SEPTIN9: variants seen among roughly 807,000 people sequenced by gnomAD.
SEPTIN9 encodes the protein septin-9.
In SEPTIN9, 13 loss-of-function variants were observed where a neutral mutation model predicts 56.6. The ratio of observed to expected loss-of-function variants is 0.23; its 90% CI spans 0.15 to 0.37. SEPTIN9 has a LOEUF of 0.37. Among genes scored for constraint, SEPTIN9 ranks in the 10% least tolerant of loss-of-function variants. The probability of loss-of-function intolerance (pLI) is 1.00; values close to 1 mark genes in which losing one functional copy is unlikely to be tolerated. For synonymous variants in SEPTIN9, 332 were observed against 334.1 expected, an observed-to-expected ratio of 0.99 and a Z score of 0.07; for missense variants, 650 against 823.1, an observed-to-expected ratio of 0.79 and a Z score of 2.57.
chr17:77,482,483 G>C (rs779365339), intron 4 of SEPTIN9, 148 bp downstream of exon 4: 3 of 833,930 alleles, frequency 3.6e-6, no homozygotes, highest in South Asian at 1.4e-5. Context: ...GTGACATTGC[G>C]TGTGCATGCA....
intron 2 of SEPTIN9, chr17:77,377,122 G>A (rs1230984568): frequency 6.6e-6 from 1 of 152,188 alleles, no homozygotes; most frequent in Non-Finnish European, 1.5e-5. Flanking sequence ...CAAGGTTTTA[G>A]GGCTCTGTGG....
chr17:77,403,771 G>A (rs2035977778), intron 3 of SEPTIN9, among the ~76,000 whole-genome samples: 1 of 152,216 alleles, frequency 6.6e-6, no homozygotes, highest in South Asian at 2.1e-4. Context: ...TAACCGTGGT[G>A]AAATACACAA....
rs181447437 is a variant in SEPTIN9 at position 77,351,126 on chromosome 17, T to C, written c.76+43929T>C. ...GTGTACACAGATCTCATTTTCCTTT[T>C]TTCTGGCTTACTAAGTGCCAGAAAG... On this transcript the variant is annotated intron_variant, in intron 2 of 11. Transcript: ENST00000427177. Among the ~76,000 whole-genome samples the C allele has an allele frequency of 2.3e-3, 354 of 152,270 alleles. 6 individuals carry two copies. Among genetic ancestry groups the C allele is most frequent in the African/African-American group, 8.1e-3 (336 of 41,546 alleles).
rs2032809909 is a variant in SEPTIN9 at position 77,319,165 on chromosome 17, G to A, written c.76+11968G>A. Among the ~76,000 whole-genome samples the A allele has an allele frequency of 6.6e-6, 1 of 152,206 alleles. No individual in the cohort carries two copies. The highest frequency in any genetic ancestry group is 2.1e-4 in the South Asian group (1 of 4,832). On this transcript the variant is annotated intron_variant, in intron 2 of 11. Transcript: ENST00000427177. The surrounding 1 kb of genome is among the most constrained non-coding windows in gnomAD (Gnocchi z 5.3). ...AACAGAACCAGCCTCCGTGTCTCGG[G>A]TTTGAATGAACCCTTGAGGTGAAGC...
intron 3 of SEPTIN9, chr17:77,442,168 A>G (rs1338527080): frequency 6.6e-6 from 1 of 151,310 alleles, no homozygotes; most frequent in Non-Finnish European, 1.5e-5. Flanking sequence ...TACAGATTAG[A>G]CTCCTTGTTC....
intron 3 of SEPTIN9, among the ~76,000 whole-genome samples, chr17:77,481,081 G>C (rs2039436469): frequency 6.6e-6 from 1 of 152,216 alleles, no homozygotes; most frequent in South Asian, 2.1e-4. Context: ...GCCCTGATGG[G>C]AACCAGCCCC....
chr17:77,483,654 C>T (rs930224933), intron 4 of SEPTIN9: 2 of 152,278 alleles, frequency 1.3e-5, no homozygotes, highest in Admixed American at 1.3e-4. Flanking sequence ...AGCCATGGCA[C>T]AGGCCTTCTT....
intron 3 of SEPTIN9, chr17:77,454,036 G>T: frequency 1.0e-6 from 1 of 955,672 alleles, no homozygotes; most frequent in Non-Finnish European, 1.2e-6. Context: ...TAGGGCTTCC[G>T]CCCTCTCTCC....
intron 3 of SEPTIN9, chr17:77,442,313 T>G (rs1449788526): frequency 6.6e-6 from 1 of 152,100 alleles, no homozygotes; most frequent in Non-Finnish European, 1.5e-5. Flanking sequence ...TTCCCCTGCC[T>G]CAGCCTCCCG....
rs139340887 is a variant in SEPTIN9 at position 77,343,003 on chromosome 17, GTCTATCTATCTA to G, written c.76+35835_76+35846del. On this transcript the variant is annotated intron_variant, in intron 2 of 11. Transcript: ENST00000427177. ...AATCAATGTATCTGTCTGTCTGTCT[GTCTATCTATCTA>G]TCTATCTATCTATCTATCTATCTAT... Among the ~76,000 whole-genome samples, 179 of 147,244 alleles carry G rather than the reference GTCTATCTATCTA, an allele frequency of 1.2e-3. 2 individuals are homozygous for G. The highest frequency in any genetic ancestry group is 3.4e-3 in the Middle Eastern group (1 of 292).
intron 3 of SEPTIN9, chr17:77,466,660 G>A: frequency 1.1e-6 from 1 of 890,400 alleles, no homozygotes; most frequent in Non-Finnish European, 1.3e-6. Flanking sequence ...CAGGGTCGGG[G>A]CAGTGTGGGA....
intron 3 of SEPTIN9, among the ~76,000 whole-genome samples, chr17:77,458,776 G>A (rs143952590): frequency 5.5e-4 from 84 of 152,338 alleles, no homozygotes; most frequent in African/African-American, 2.0e-3. Flanking sequence ...TTCTGATCCA[G>A]TGAGATAAGT....
intron 3 of SEPTIN9, among the ~76,000 whole-genome samples, chr17:77,431,047 T>G (rs1403752362): frequency 1.3e-5 from 2 of 151,304 alleles, no homozygotes; most frequent in African/African-American, 4.9e-5. Context: ...TCTTCCTGAT[T>G]GAAAAGCAAT....
intron 2 of SEPTIN9, chr17:77,320,269 G>A: frequency 6.2e-7 from 1 of 1,611,918 alleles, no homozygotes; most frequent in Non-Finnish European, 8.5e-7. Context: ...TGAGAAAGGG[G>A]AGGCCGCCTC....
intron 2 of SEPTIN9, among the ~76,000 whole-genome samples, chr17:77,333,773 G>A (rs949381943): frequency 1.3e-5 from 2 of 151,394 alleles, no homozygotes; most frequent in African/African-American, 4.9e-5. Context: ...TTTTGTTGTC[G>A]TTTTATGTGT....
rs559579668 is a variant in SEPTIN9 at position 77,386,098 on chromosome 17, G to A, written c.77-15961G>A. Reference sequence around the variant, plus strand: ...GGCGCTTGTGACTCCTGCATGCCACGTGCAGACAGTCCCTCAGCTGTGGGC... The same window carrying A: ...GGCGCTTGTGACTCCTGCATGCCACATGCAGACAGTCCCTCAGCTGTGGGC... On this transcript the variant is annotated intron_variant, in intron 2 of 11. Transcript: ENST00000427177. Among the ~76,000 whole-genome samples the A allele has an allele frequency of 2.4e-4, 36 of 151,932 alleles. No individual in the cohort carries two copies. The South Asian group carries it at 5.2e-3, about 22-fold the overall frequency.
chr17:77,289,972 C>T (rs190185584), intron 1 of SEPTIN9, among the ~76,000 whole-genome samples: 104 of 152,268 alleles, frequency 6.8e-4, no homozygotes, highest in African/African-American at 2.3e-3. Flanking sequence ...TTTTATACTC[C>T]CCATAGAATG....
At chr17:77,325,451 T>A (rs897825571) in intron 2 of SEPTIN9, among the ~76,000 whole-genome samples, 11 of 152,232 alleles carry the variant, frequency 7.2e-5, no homozygotes, top group African/African-American at 2.4e-4. Flanking sequence ...CACTCGATCA[T>A]CCCCTCTCAG....
At chr17:77,424,953 G>A (rs2036846888) in intron 3 of SEPTIN9, among the ~76,000 whole-genome samples, 1 of 152,214 alleles carries the variant, frequency 6.6e-6, no homozygotes, top group Non-Finnish European at 1.5e-5. Context: ...CAGATTCTGA[G>A]CTTCTCCTTG....
Sources: allele counts gnomAD v4.1 joint callset (sites outside exome capture counted in the v4.1 genomes callset), GRCh38; gene constraint gnomAD v4.1.1; non-coding constraint Gnocchi (gnomAD v3.1); transcripts MANE v1.5; gene names NCBI Gene and HGNC (gene_info 2026-07-23, HGNC 2026-07-21).